The following TTC6 variants were observed in gnomAD, a reference collection of about 807,000 sequenced individuals.
The protein encoded by TTC6 is tetratricopeptide repeat domain 6, also known as tetratricopeptide repeat protein 6.
TTC6 carries 172 observed loss-of-function variants against 210.4 expected under a neutral mutation model. That is an observed-to-expected ratio of 0.82 (90% CI 0.72 to 0.93). The LOEUF (loss-of-function observed/expected upper bound fraction) is 0.93. TTC6 is among the 40% of genes least tolerant of loss of function. TTC6 has a pLI of 0.00. For missense variants in TTC6, 2,414 were observed against 2,318.1 expected, an observed-to-expected ratio of 1.04 and a Z score of -0.85; for synonymous variants, 804 against 819.6, an observed-to-expected ratio of 0.98 and a Z score of 0.32.
chr14:37,780,999 G>A (rs1432067427), intron 14 of TTC6, among the ~76,000 whole-genome samples: 4 of 152,168 alleles, frequency 2.6e-5, no homozygotes, highest in African/African-American at 9.7e-5. Context: ...TGGTGTATAT[G>A]TGCCACATTT....
In TTC6 at chr14:37,748,865, G is replaced by A. The variant is rs1019492783; in HGVS notation, c.2364-74G>A. On this transcript the variant is annotated intron_variant, in intron 10 of 30. Coordinates refer to ENST00000553443, the Ensembl canonical transcript of TTC6. The stretch of plus-strand genomic sequence containing the variant: ...GATAACAAATAGTAGTTTTATGTGT[G>A]GCTGAGTTGATTTACTGATTAGAAA... 1.1e-4 allele frequency: 136 copies of A among 1,189,318 alleles called. No individual in the cohort carries two copies. The African/African-American group carries it at 1.9e-3, about 17-fold the overall frequency. 73.7% of individuals were successfully genotyped at this position (1,189,318 alleles called of 1,614,324 possible).
At chr14:37,838,167 A>G (rs913125985) in intron 29 of TTC6, among the ~76,000 whole-genome samples, 1 of 152,194 alleles carries the variant, frequency 6.6e-6, no homozygotes, top group Non-Finnish European at 1.5e-5. Flanking sequence ...GTTTTCATCC[A>G]TCAGGGAGTT....
intron 1 of TTC6, among the ~76,000 whole-genome samples, chr14:37,653,163 C>T (rs1209622480): frequency 6.6e-6 from 1 of 152,196 alleles, no homozygotes; most frequent in Admixed American, 6.5e-5. Flanking sequence ...TTAGCAGTGG[C>T]TCCGGCCTTT....
intron 1 of TTC6, among the ~76,000 whole-genome samples, chr14:37,674,299 A>G (rs2095764267): frequency 6.6e-6 from 1 of 152,098 alleles, no homozygotes; most frequent in Admixed American, 6.6e-5. Context: ...TAGGTATATT[A>G]TAGTAGCCTC....
At chr14:37,723,793 T>G (rs895170977) in intron 6 of TTC6, among the ~76,000 whole-genome samples, 1 of 152,194 alleles carries the variant, frequency 6.6e-6, no homozygotes, top group African/African-American at 2.4e-5. Context: ...GTTAGATTGT[T>G]TTATGACATT....
At chr14:37,756,619 T>C (rs549106463) in intron 14 of TTC6, among the ~76,000 whole-genome samples, 142 of 152,284 alleles carry the variant, frequency 9.3e-4, no homozygotes, top group Admixed American at 3.3e-3. Context: ...TGATTTTTGT[T>C]ATTGGTTCTA....
intron 14 of TTC6, among the ~76,000 whole-genome samples, chr14:37,785,077 G>C (rs2096064425): frequency 6.6e-6 from 1 of 152,086 alleles, no homozygotes; most frequent in Admixed American, 6.5e-5. Flanking sequence ...TTTCAACTTT[G>C]GTGAATCTGA....
chr14:37,686,507 T>C (rs2095794068), intron 3 of TTC6, among the ~76,000 whole-genome samples: 1 of 152,194 alleles, frequency 6.6e-6, no homozygotes, highest in African/African-American at 2.4e-5. Flanking sequence ...ATTCAATAAA[T>C]TTCCTAATGG....
chr14:37,806,344 A>G lies in TTC6; in HGVS notation c.4165-17A>G, dbSNP rs998590932. The G allele has an allele frequency of 2.2e-5, 34 of 1,529,322 alleles. No homozygotes were observed. The highest frequency in any genetic ancestry group is 3.0e-5 in the Non-Finnish European group (34 of 1,143,218). The allele number at this position is 1,529,322 out of a possible 1,614,324, so 94.7% of individuals were successfully genotyped here. On this transcript the variant is annotated splice_polypyrimidine_tract_variant and intron_variant, in intron 21 of 30. Transcript: ENST00000553443. Reference sequence around the variant, plus strand: ...ATATCACTAAATGGTTTGCATTTTGACAATATGCTCCTGTAGGCTTTTGAT... The same window carrying G: ...ATATCACTAAATGGTTTGCATTTTGGCAATATGCTCCTGTAGGCTTTTGAT...
At chr14:37,715,391 G>C (rs989355342) in intron 6 of TTC6, among the ~76,000 whole-genome samples, 1 of 151,984 alleles carries the variant, frequency 6.6e-6, no homozygotes, top group Non-Finnish European at 1.5e-5. Context: ...TCAGGAGCCT[G>C]AGCAAATCCC....
intron 29 of TTC6, among the ~76,000 whole-genome samples, chr14:37,831,396 A>G (rs2899862): frequency 0.8 from 120,941 of 152,012 alleles, 51,581 homozygotes; most frequent in Non-Finnish European, 0.94. Flanking sequence ...GGGAGTGCAA[A>G]TATTTCTTCA....
intron 18 of TTC6, among the ~76,000 whole-genome samples, chr14:37,795,688 A>G (rs745920703): frequency 1.2e-4 from 19 of 152,174 alleles, no homozygotes; most frequent in Non-Finnish European, 2.4e-4. Context: ...GATTATGTCC[A>G]CAATCAAACA....
At chr14:37,749,234 G>A (rs1566929019) in exon 11 of TTC6, 3 of 1,529,918 alleles carry the variant, frequency 2.0e-6, no homozygotes, top group Non-Finnish European at 2.6e-6. Context: ...TGATTATGTG[G>A]AGTCTGATCT....
chr14:37,630,907 G>GTTTTTTTTTTTGTTTTTTTT (rs2095668331), intron 1 of TTC6, among the ~76,000 whole-genome samples: 2 of 33,064 alleles, frequency 6.0e-5, no homozygotes, highest in Non-Finnish European at 5.1e-5. Flanking sequence ...GGCAACCCCT[G>GTTTTTTTTTTTGTTTTTTTT]TTTTTTTTTT....
rs1337771986 is a variant in TTC6 at position 37,807,304 on chromosome 14, C to G, written c.4315-16C>G. The G allele has an allele frequency of 2.0e-6, 3 of 1,498,812 alleles. No individual in the cohort carries two copies. The highest frequency in any genetic ancestry group is 1.4e-5 in the African/African-American group (1 of 72,714). 92.8% of individuals were successfully genotyped at this position (1,498,812 alleles called of 1,614,324 possible). A position where few individuals can be genotyped will look rare whatever the true frequency, so the allele number is the denominator to read the frequency against. On this transcript the variant is annotated splice_polypyrimidine_tract_variant and intron_variant, in intron 22 of 30. Transcript: ENST00000553443. ...TAAAGCATCCATTCCTGCTTTCTCT[C>G]TCTCTCTCTGAATAGGCATATTTAA...
chr14:37,666,564 C>T lies in TTC6; in HGVS notation c.940-13587C>T, dbSNP rs188999519. Among the ~76,000 whole-genome samples the T allele has an allele frequency of 8.6e-5, 13 of 150,328 alleles. 1 individual carries two copies. In the South Asian group the frequency reaches 1.3e-3, roughly 15 times the overall value. ...CAGGTAGAGTGCCTGGTTAGGCCAC[C>T]GAGGAGATTTCTTGCTTCTCTCAGA... On this transcript the variant is annotated intron_variant, in intron 1 of 30. Coordinates refer to ENST00000553443, the Ensembl canonical transcript of TTC6.
chr14:37,640,176 A>G (rs946364957), intron 1 of TTC6, among the ~76,000 whole-genome samples: 1 of 151,976 alleles, frequency 6.6e-6, no homozygotes, highest in Non-Finnish European at 1.5e-5. Context: ...TTGAAAAATG[A>G]TATGCTAATT....
At chr14:37,808,617 A>G (rs552951391) in intron 23 of TTC6, 116 bp from the exon 26 acceptor site, 3 of 539,578 alleles carry the variant, frequency 5.6e-6, no homozygotes, top group Non-Finnish European at 9.9e-6. Flanking sequence ...CAGATGATAC[A>G]AAGAATGGTT....
At chr14:37,796,253 AT>A in intron 18 of TTC6, 40 bp from the exon 21 acceptor site, 1 of 904,702 alleles carries the variant, frequency 1.1e-6, no homozygotes, top group Non-Finnish European at 1.7e-6. Flanking sequence ...TAGAAAGTTA[AT>A]TTTTAGCTGC....
Sources: gnomAD v4.1 joint callset for allele counts (sites outside exome capture counted in the v4.1 genomes callset) on GRCh38, gnomAD v4.1.1 for gene constraint, MANE v1.5 for transcripts, NCBI Gene and HGNC (gene_info 2026-07-23, HGNC 2026-07-21) for gene names.